Variants in CASK observed in about 807,000 individuals in gnomAD.
CASK encodes peripheral plasma membrane protein CASK.
CASK carries 4 observed loss-of-function variants against 82.9 expected under a neutral mutation model. That is an observed-to-expected ratio of 0.05 (90% CI 0.02 to 0.11). The LOEUF (loss-of-function observed/expected upper bound fraction) is 0.11. CASK is among the 10% of genes least tolerant of loss of function. CASK has a pLI of 1.00. For synonymous variants in CASK, 259 were observed against 253.5 expected (o/e 1.02, Z -0.20); for missense variants, 358 against 720.9 (o/e 0.50, Z 5.76).
intron 24 of CASK, among the ~76,000 whole-genome samples, chrX:41,531,685 C>T (rs1469177662): frequency 1.8e-5 from 2 of 112,206 alleles, no homozygotes. Flanking sequence ...ATTCAATAAC[C>T]ACGTATGGTT....
chrX:41,542,923 T>A lies in CASK; in HGVS notation c.2040-117A>T, dbSNP rs2064968444. ...AACAGCATAACCATACTCATCCTAATCTTTTAAAAAATTTGGACAAAGGCT... is the reference window on the plus strand; with the variant it reads ...AACAGCATAACCATACTCATCCTAAACTTTTAAAAAATTTGGACAAAGGCT... On this transcript the variant is annotated intron_variant, in intron 21 of 26. Transcript: ENST00000378163. 6 of 474,623 alleles carry A rather than the reference T, an allele frequency of 1.3e-5. No homozygotes were observed. In the South Asian group the frequency reaches 2.1e-4, roughly 16 times the overall value. 39.1% of individuals were successfully genotyped at this position (474,623 alleles called of 1,213,427 possible).
chrX:41,604,083 A>C (rs954358875), intron 12 of CASK, among the ~76,000 whole-genome samples: 40 of 108,444 alleles, frequency 3.7e-4, no homozygotes, highest in African/African-American at 1.3e-3. Flanking sequence ...CATAAATAAC[A>C]CTTTAACACC....
chrX:41,919,970 G>A (rs2072756559), intron 1 of CASK, among the ~76,000 whole-genome samples: 1 of 111,561 alleles, frequency 9.0e-6, no homozygotes, highest in African/African-American at 3.3e-5. Context: ...CTCAACCAAG[G>A]GGGAAAAAAA....
intron 8 of CASK, among the ~76,000 whole-genome samples, chrX:41,641,408 C>T (rs776267591): frequency 3.9e-4 from 43 of 111,533 alleles, no homozygotes; most frequent in African/African-American, 1.4e-3. Context: ...ATCCTTTTCA[C>T]TTTTTTTAAA....
At chrX:41,646,220 T>C (rs971098838) in intron 8 of CASK, among the ~76,000 whole-genome samples, 1 of 111,080 alleles carries the variant, frequency 9.0e-6, no homozygotes, top group Non-Finnish European at 1.9e-5. Context: ...ACTTTCAATA[T>C]AAACCTGCAG....
chrX:41,752,558 T>A (rs1379170322), intron 3 of CASK, among the ~76,000 whole-genome samples: 1 of 111,772 alleles, frequency 8.9e-6, no homozygotes, highest in African/African-American at 3.3e-5. Context: ...CCCAAAATGC[T>A]GGGATTACAG....
At position 41,553,682 on chromosome X, in the gene CASK, T is replaced by G. The variant is rs747382470; in HGVS notation, c.2039+37A>C. 1.0e-5 allele frequency: 11 copies of G among 1,062,554 alleles called. No homozygotes were observed. In the African/African-American group the frequency reaches 1.5e-4, roughly 14 times the overall value. The allele number at this position is 1,062,554 out of a possible 1,213,427, so 87.6% of individuals were successfully genotyped here. ...AAATGGATGGTCAGGGCTTTGTTTT[T>G]ATAACCAAGCAAAGCAAAACACGCA... On this transcript the variant is annotated intron_variant, in intron 21 of 26. Transcript: ENST00000378163.
chrX:41,688,046 T>C (rs2067474998), intron 5 of CASK, among the ~76,000 whole-genome samples: 2 of 104,748 alleles, frequency 1.9e-5, no homozygotes, highest in African/African-American at 7.0e-5. Context: ...ATCCTGCCAA[T>C]ACAACAATAT....
intron 1 of CASK, among the ~76,000 whole-genome samples, chrX:41,859,530 C>T (rs1217832274): frequency 1.8e-5 from 2 of 111,574 alleles, no homozygotes; most frequent in Non-Finnish European, 3.8e-5. Flanking sequence ...ATGCCATCAA[C>T]AAGTCATCTT....
chrX:41,842,762 G>T (rs919071108), intron 2 of CASK, among the ~76,000 whole-genome samples: 1 of 111,198 alleles, frequency 9.0e-6, no homozygotes, highest in Admixed American at 9.6e-5. Flanking sequence ...ATCAATTTGG[G>T]AAATATTTTC....
At chrX:41,549,646 C>T (rs1459723136) in intron 21 of CASK, among the ~76,000 whole-genome samples, 4 of 110,351 alleles carry the variant, frequency 3.6e-5, no homozygotes, top group Non-Finnish European at 7.6e-5. Flanking sequence ...TCGAGACCAG[C>T]CTGGCCAACA....
At chrX:41,894,597 T>TAAAAAA (rs1209248352) in intron 1 of CASK, among the ~76,000 whole-genome samples, 5 of 40,483 alleles carry the variant, frequency 1.2e-4, no homozygotes, top group Non-Finnish European at 1.9e-4. Context: ...ACCCAAATAT[T>TAAAAAA]AAAAAAAAAA....
intron 3 of CASK, among the ~76,000 whole-genome samples, chrX:41,769,057 A>G (rs1358168284): frequency 9.0e-6 from 1 of 111,592 alleles, no homozygotes; most frequent in East Asian, 2.8e-4. Context: ...TATGGAGAGT[A>G]ATATGAAAAC....
At chrX:41,670,758 GA>G (rs1162980988) in intron 6 of CASK, among the ~76,000 whole-genome samples, 72 of 97,648 alleles carry the variant, frequency 7.4e-4, no homozygotes, top group South Asian at 1.8e-3. Flanking sequence ...TTGTCTGAAA[GA>G]AAAAAAAAAA....
chrX:41,549,340 C>G (rs2065064407), intron 21 of CASK, among the ~76,000 whole-genome samples: 1 of 111,514 alleles, frequency 9.0e-6, no homozygotes, highest in Admixed American at 9.5e-5. Flanking sequence ...TTCCTATACC[C>G]CCAAAGTCCT....
chrX:41,585,630 T>C (rs924465609), intron 14 of CASK: 2 of 108,071 alleles, frequency 1.9e-5, no homozygotes, highest in African/African-American at 3.4e-5. Flanking sequence ...CCTGTAGTCC[T>C]AGCTGCTCAG....
chrX:41,837,337 A>C (rs1161952793), intron 2 of CASK, among the ~76,000 whole-genome samples: 1 of 111,701 alleles, frequency 9.0e-6, no homozygotes, highest in Non-Finnish European at 1.9e-5. Context: ...ACATGCACTC[A>C]TGTGTCTATG....
chrX:41,743,470 G>A (rs1288519432), intron 4 of CASK: 12 of 280,523 alleles, frequency 4.3e-5, no homozygotes, highest in Admixed American at 3.8e-4. Flanking sequence ...GTTCTACCGC[G>A]TATAGATCAG....
At chrX:41,902,676 C>T (rs2072404834) in intron 1 of CASK, among the ~76,000 whole-genome samples, 1 of 112,106 alleles carries the variant, frequency 8.9e-6, no homozygotes, top group Non-Finnish European at 1.9e-5. Flanking sequence ...TCAAAATTTG[C>T]TTCCCATTAA....
Sources: gnomAD v4.1 joint callset for allele counts (sites outside exome capture counted in the v4.1 genomes callset) on GRCh38, gnomAD v4.1.1 for gene constraint, MANE v1.5 for transcripts, NCBI Gene and HGNC (gene_info 2026-07-23, HGNC 2026-07-21) for gene names.